FHIT: variants seen among roughly 807,000 people sequenced by gnomAD.
FHIT encodes fragile histidine triad diadenosine triphosphatase.
FHIT carries 19 observed loss-of-function variants against 17.9 expected under a neutral mutation model. That is an observed-to-expected ratio of 1.06 (90% CI 0.74 to 1.56). The LOEUF is 1.56. FHIT is among the 40% of genes most tolerant of loss of function. FHIT has a pLI of 0.00. For synonymous variants in FHIT, 81 were observed against 69.7 expected (o/e 1.16, Z -0.81); for missense variants, 248 against 189.2 (o/e 1.31, Z -1.82).
chr3:59,800,992 TG>T (rs1699971525), intron 8 of FHIT, among the ~76,000 whole-genome samples: 1 of 152,232 alleles, frequency 6.6e-6, no homozygotes, highest in South Asian at 2.1e-4. Context: ...AAAGAGTTGT[TG>T]TACATTTCTT....
chr3:60,864,123 G>A (rs1012172263), intron 3 of FHIT, among the ~76,000 whole-genome samples: 4 of 151,996 alleles, frequency 2.6e-5, no homozygotes, highest in African/African-American at 9.7e-5. Context: ...CAGATCTCAT[G>A]AGACTTAATC....
intron 4 of FHIT, among the ~76,000 whole-genome samples, chr3:60,565,746 G>C (rs552056482): frequency 1.3e-5 from 2 of 152,114 alleles, no homozygotes; most frequent in Non-Finnish European, 2.9e-5. Context: ...AGGGTTTTTT[G>C]TGTCTCTATT....
intron 1 of FHIT, among the ~76,000 whole-genome samples, chr3:61,207,577 A>T (rs950293530): frequency 5.9e-5 from 9 of 151,772 alleles, no homozygotes; most frequent in African/African-American, 2.2e-4. Context: ...AATTTATCAA[A>T]TTCTTCTAGA....
chr3:61,065,455 A>C (rs1366446595), intron 2 of FHIT, among the ~76,000 whole-genome samples: 2 of 152,206 alleles, frequency 1.3e-5, no homozygotes, highest in African/African-American at 4.8e-5. Context: ...CATGGAATAT[A>C]AAAATCAAAA....
intron 5 of FHIT, among the ~76,000 whole-genome samples, chr3:60,379,630 T>C (rs1283140630): frequency 1.3e-5 from 2 of 152,148 alleles, no homozygotes; most frequent in Non-Finnish European, 1.5e-5. Context: ...AAAATTACCT[T>C]AAGTATTGTT....
intron 2 of FHIT, among the ~76,000 whole-genome samples, chr3:61,063,234 C>T (rs554859412): frequency 7.1e-4 from 74 of 103,516 alleles, no homozygotes; most frequent in African/African-American, 2.2e-3. Context: ...CCAGCCTGAG[C>T]GACAGAGCGA....
chr3:60,001,746 G>C (rs373201479), intron 7 of FHIT, among the ~76,000 whole-genome samples: 57 of 152,266 alleles, frequency 3.7e-4, no homozygotes, highest in African/African-American at 1.3e-3. Flanking sequence ...TAAAGAGTGA[G>C]ATTCATCGAT....
At chr3:61,089,898 A>G (rs1188194008) in intron 2 of FHIT, among the ~76,000 whole-genome samples, 1 of 152,220 alleles carries the variant, frequency 6.6e-6, no homozygotes, top group Non-Finnish European at 1.5e-5. Flanking sequence ...GTAGGTATTC[A>G]AGTATAAATG....
chr3:60,702,852 T>C (rs1219536929), intron 4 of FHIT, among the ~76,000 whole-genome samples: 1 of 152,174 alleles, frequency 6.6e-6, no homozygotes, highest in Non-Finnish European at 1.5e-5. Context: ...TATAGGTCTT[T>C]ATAAATATTC....
chr3:60,482,508 T>C (rs1237484636), intron 5 of FHIT, among the ~76,000 whole-genome samples: 1 of 152,138 alleles, frequency 6.6e-6, no homozygotes, highest in African/African-American at 2.4e-5. Context: ...AAATTAGAAC[T>C]CATGATTAAG....
rs1705472408 is a variant in FHIT, at chr3:60,124,943, A to G, written c.104-110791T>C. Among the ~76,000 whole-genome samples the G allele has an allele frequency of 2.0e-5, 3 of 152,176 alleles. No homozygotes were observed. The South Asian group carries it at 6.2e-4, about 32-fold the overall frequency. ...TCTTGCTAGGGGTCAAAACCCACATATTAGATCTGATGGGGCCCTCCAAAT... is the reference window on the plus strand; with the variant it reads ...TCTTGCTAGGGGTCAAAACCCACATGTTAGATCTGATGGGGCCCTCCAAAT... On this transcript the variant is annotated intron_variant, in intron 5 of 9. Transcript: ENST00000492590.
At position 59,806,036 on chromosome 3, in the gene FHIT, C is replaced by G. The variant is rs372059925; in HGVS notation, c.349-53715G>C. Among the ~76,000 whole-genome samples the G allele has an allele frequency of 1.2e-4, 18 of 152,104 alleles. No homozygotes were observed. In the East Asian group the frequency reaches 2.7e-3, roughly 23 times the overall value. ...CTCTGCTAAAAATACAAAAATTTAG[C>G]CGGGTGTGGTGGCGGGCGCCTGTAG... On this transcript the variant is annotated intron_variant, in intron 8 of 9. Transcript: ENST00000492590.
chr3:60,218,786 G>A (rs1449074332), intron 5 of FHIT, among the ~76,000 whole-genome samples: 1 of 152,040 alleles, frequency 6.6e-6, no homozygotes, highest in Non-Finnish European at 1.5e-5. Context: ...AACTTACCCT[G>A]CATCTGACAG....
chr3:60,877,504 AGG>A (rs1553756783), intron 3 of FHIT, among the ~76,000 whole-genome samples: 1 of 152,202 alleles, frequency 6.6e-6, no homozygotes, highest in East Asian at 1.9e-4. Context: ...CACTGCTTCT[AGG>A]GGTCTGAGCC....
intron 5 of FHIT, among the ~76,000 whole-genome samples, chr3:60,177,417 G>A (rs773550382): frequency 3.9e-5 from 6 of 152,202 alleles, no homozygotes; most frequent in East Asian, 3.9e-4. Flanking sequence ...TTGGTAACTC[G>A]TCTTATGATC....
intron 5 of FHIT, among the ~76,000 whole-genome samples, chr3:60,294,722 A>T (rs757164750): frequency 6.6e-6 from 1 of 152,064 alleles, no homozygotes; most frequent in East Asian, 1.9e-4. Context: ...ATCACTGCCA[A>T]CCACTCATCT....
In FHIT at chr3:61,089,029, T is replaced by G. The variant is rs112210489; in HGVS notation, c.-163-46930A>C. ...ATGGAATTACTGACATCAGTATATATTCCCTTAGCCTATTATTACATCAGT... is the reference window on the plus strand; with the variant it reads ...ATGGAATTACTGACATCAGTATATAGTCCCTTAGCCTATTATTACATCAGT... On this transcript the variant is annotated intron_variant, in intron 2 of 9. Coordinates refer to ENST00000492590, the MANE Select transcript of FHIT (RefSeq NM_002012.4). Among the ~76,000 whole-genome samples, 956 of 152,282 alleles carry G rather than the reference T, an allele frequency of 6.3e-3. 10 individuals carry two copies. Among genetic ancestry groups the G allele is most frequent in the African/African-American group, 0.022 (919 of 41,550 alleles).
intron 2 of FHIT, among the ~76,000 whole-genome samples, chr3:61,103,882 CTTTTTTTTCTTTT>C (rs2035911579): frequency 6.7e-6 from 1 of 149,048 alleles, no homozygotes; most frequent in Admixed American, 6.7e-5. Context: ...TCAACCCCTG[CTTTTTTTTCTTTT>C]TTTTTTTTCT....
Position 59,926,282 on chromosome 3 carries a change from A to T in FHIT, c.280-3868T>A, listed in dbSNP as rs570650279. 3.3e-5 allele frequency among the ~76,000 whole-genome samples: 5 copies of T among 152,314 alleles called. No homozygotes were observed. The East Asian group carries it at 9.7e-4, about 29-fold the overall frequency. ...GATTTTCCTGTTTCATTCATGTAAC[A>T]CTTCTGTACACTTTTCTAAAGTATA... On this transcript the variant is annotated intron_variant, in intron 7 of 9. Coordinates refer to ENST00000492590, the MANE Select transcript of FHIT (RefSeq NM_002012.4).
Sources: gnomAD v4.1 joint callset for allele counts (sites outside exome capture counted in the v4.1 genomes callset) on GRCh38, gnomAD v4.1.1 for gene constraint, MANE v1.5 for transcripts, NCBI Gene and HGNC (gene_info 2026-07-23, HGNC 2026-07-21) for gene names.